The following HDAC9 variants were observed in gnomAD, a reference collection of about 807,000 sequenced individuals.
HDAC9 encodes the protein histone deacetylase 9, also known as MEF-2 interacting transcription repressor (MITR) protein.
HDAC9 carries 41 observed loss-of-function variants against 139.4 expected under a neutral mutation model. The ratio of observed to expected loss-of-function variants is 0.29; its 90% CI spans 0.23 to 0.38. HDAC9 has a LOEUF of 0.38. Among genes scored for constraint, HDAC9 ranks in the 10% least tolerant of loss-of-function variants. HDAC9 has a pLI of 1.00. For synonymous variants in HDAC9, 517 were observed against 476.2 expected (o/e 1.09, Z -1.12); for missense variants, 1,147 against 1,297.0 (o/e 0.88, Z 1.78).
chr7:18,457,783 G>A (rs1793474913), intron 1 of HDAC9, among the ~76,000 whole-genome samples: 1 of 152,104 alleles, frequency 6.6e-6, no homozygotes, highest in Non-Finnish European at 1.5e-5. Flanking sequence ...GCTTCATGGT[G>A]TTTGAAATCA....
At chr7:18,746,058 A>G (rs1390734903) in intron 13 of HDAC9, among the ~76,000 whole-genome samples, 1 of 150,876 alleles carries the variant, frequency 6.6e-6, no homozygotes, top group Non-Finnish European at 1.5e-5. Context: ...TTTTGTGGAG[A>G]CAGGGTCTCC....
At chr7:18,880,569 G>A (rs1360399009) in intron 22 of HDAC9, among the ~76,000 whole-genome samples, 1 of 152,106 alleles carries the variant, frequency 6.6e-6, no homozygotes, top group Non-Finnish European at 1.5e-5. Context: ...ACCAAATACT[G>A]TGTGTTCTCA....
At chr7:18,138,577 T>G (rs1289755842) in intron 1 of HDAC9, among the ~76,000 whole-genome samples, 1 of 143,544 alleles carries the variant, frequency 7.0e-6, no homozygotes, top group Non-Finnish European at 1.5e-5. Context: ...CATGCTCATT[T>G]AGTTATTTGG....
chr7:18,814,246 T>C (rs1328098485), intron 17 of HDAC9, among the ~76,000 whole-genome samples: 2 of 152,210 alleles, frequency 1.3e-5, no homozygotes. Context: ...TAATGGTTCC[T>C]GAAATAAATT....
At chr7:18,318,431 G>T (rs933798675) in intron 1 of HDAC9, among the ~76,000 whole-genome samples, 1 of 152,128 alleles carries the variant, frequency 6.6e-6, no homozygotes, top group Non-Finnish European at 1.5e-5. Flanking sequence ...TTGTTTCAAC[G>T]ATAACTACAG....
chr7:18,955,449 A>G (rs553007052), intron 24 of HDAC9, among the ~76,000 whole-genome samples: 25 of 152,300 alleles, frequency 1.6e-4, no homozygotes, highest in Middle Eastern at 3.4e-3. Context: ...GAATGAAAAT[A>G]TCTCAGTTTT....
chr7:18,901,477 C>T (rs2190276), intron 22 of HDAC9, among the ~76,000 whole-genome samples: 9,566 of 152,056 alleles, frequency 0.063, 397 homozygotes, highest in African/African-American at 0.12. Flanking sequence ...GGAGACTTTA[C>T]AACTGTTTGT....
intron 1 of HDAC9, among the ~76,000 whole-genome samples, chr7:18,361,470 C>T (rs1329531679): frequency 6.6e-6 from 1 of 152,120 alleles, no homozygotes; most frequent in Non-Finnish European, 1.5e-5. Context: ...TTTACCACTG[C>T]ACCTCAAGAA....
chr7:18,602,770 T>C (rs1320607468), intron 6 of HDAC9, among the ~76,000 whole-genome samples: 2 of 152,108 alleles, frequency 1.3e-5, no homozygotes, highest in African/African-American at 4.8e-5. Flanking sequence ...CTTTCTGTTA[T>C]TTATTTTAAT....
chr7:18,445,562 T>G (rs1792212687), intron 1 of HDAC9, among the ~76,000 whole-genome samples: 1 of 152,208 alleles, frequency 6.6e-6, no homozygotes, highest in African/African-American at 2.4e-5. Context: ...ACCTGTGATA[T>G]CAATTAATGT....
At chr7:18,379,089 TAA>T (rs1273012589) in intron 1 of HDAC9, among the ~76,000 whole-genome samples, 4 of 152,220 alleles carry the variant, frequency 2.6e-5, no homozygotes. Context: ...TATAACTTTA[TAA>T]CTCATAAATA....
chr7:18,404,952 C>T (rs1040360621), intron 1 of HDAC9, among the ~76,000 whole-genome samples: 3 of 152,188 alleles, frequency 2.0e-5, no homozygotes, highest in Non-Finnish European at 2.9e-5. Flanking sequence ...GGGCAGGACG[C>T]CATCCCATTG....
intron 12 of HDAC9, among the ~76,000 whole-genome samples, chr7:18,689,782 T>C (rs1406656263): frequency 6.6e-6 from 1 of 151,968 alleles, no homozygotes; most frequent in African/African-American, 2.4e-5. Context: ...GTGGCATATT[T>C]CTTCTGTGGC....
At position 18,999,151 on chromosome 7, in the gene HDAC9, C is replaced by T. The variant is rs1218067571; in HGVS notation, c.*3089C>T. ...TATTTATGAAAAAACTACTACAAAT[C>T]ACATTTCCATTACCAATCCTGGGGA... is the stretch of plus-strand genomic sequence containing the variant. On this transcript the variant is annotated 3_prime_UTR_variant, in exon 26 of 26. Transcript: ENST00000686413. 6.6e-6 allele frequency: 1 copy of T among 152,146 alleles called. No homozygotes were observed. Among genetic ancestry groups the T allele is most frequent in the Non-Finnish European group, 1.5e-5 (1 of 68,028 alleles). The allele number at this position is 152,146 out of a possible 1,614,324, so 9.4% of individuals were successfully genotyped here. A position where few individuals can be genotyped will look rare whatever the true frequency, so the allele number is the denominator to read the frequency against.
Position 18,162,557 on chromosome 7 carries a change from G to T in HDAC9, c.25+208G>T, listed in dbSNP as rs550688282. 1.6e-5 allele frequency: 9 copies of T among 577,702 alleles called. No homozygotes were observed. The East Asian group carries it at 2.6e-4, about 17-fold the overall frequency. 35.8% of individuals were successfully genotyped at this position (577,702 alleles called of 1,614,324 possible). On this transcript the variant is annotated intron_variant, in intron 2 of 12. Coordinates refer to the HDAC9 transcript ENST00000417496. Reference sequence around the variant, plus strand: ...GCTTCCTGGACAACTGATTTGATTTGCATTGTAGTCTGAGCATGGGACTTT... The same window carrying T: ...GCTTCCTGGACAACTGATTTGATTTTCATTGTAGTCTGAGCATGGGACTTT...
intron 22 of HDAC9, among the ~76,000 whole-genome samples, chr7:18,905,283 C>T (rs975176736): frequency 5.9e-5 from 9 of 152,288 alleles, no homozygotes; most frequent in African/African-American, 2.2e-4. Flanking sequence ...TGTGGCCTTG[C>T]CATATATCTC....
Position 18,802,371 on chromosome 7 carries a change from T to G in HDAC9, c.2322+8919T>G, listed in dbSNP as rs114291395. On this transcript the variant is annotated intron_variant, in intron 17 of 25. Transcript: ENST00000686413. The stretch of plus-strand genomic sequence containing the variant: ...TTTAAATATAAGACATTCATAAAAT[T>G]TGATCTGTATCATACTAGTTCCTGG... Among the ~76,000 whole-genome samples, 503 of 152,122 alleles carry G rather than the reference T, an allele frequency of 3.3e-3. 3 individuals carry two copies. Among genetic ancestry groups the G allele is most frequent in the African/African-American group, 0.011 (474 of 41,574 alleles).
chr7:18,268,306 T>C (rs73303492), intron 2 of HDAC9, among the ~76,000 whole-genome samples: 4,557 of 152,256 alleles, frequency 0.03, 248 homozygotes, highest in African/African-American at 0.1. Context: ...TTGCTTGAGA[T>C]GATAGTTTCT....
At chr7:18,120,270 G>T (rs538606885) in intron 1 of HDAC9, among the ~76,000 whole-genome samples, 1 of 152,164 alleles carries the variant, frequency 6.6e-6, no homozygotes, top group Non-Finnish European at 1.5e-5. Flanking sequence ...CCACAACAAA[G>T]AATTATGTGG....
Sources: allele counts gnomAD v4.1 joint callset (sites outside exome capture counted in the v4.1 genomes callset), GRCh38; gene constraint gnomAD v4.1.1; transcripts MANE v1.5; gene names NCBI Gene and HGNC (gene_info 2026-07-23, HGNC 2026-07-21).